PCK1: variants seen among roughly 807,000 people sequenced by gnomAD.
PCK1 encodes the protein phosphoenolpyruvate carboxykinase 1.
Under a neutral mutation model 50.3 loss-of-function variants are expected in PCK1, and 44 were observed. The ratio of observed to expected loss-of-function variants is 0.87; its 90% confidence interval spans 0.69 to 1.12. The LOEUF is 1.12. Among genes scored for constraint, PCK1 ranks in the 50% most tolerant of loss-of-function variants. PCK1 has a pLI of 0.00. For missense variants in PCK1, 790 were observed against 815.0 expected, an observed-to-expected ratio of 0.97 and a Z score of 0.37; for synonymous variants, 332 against 314.3, an observed-to-expected ratio of 1.06 and a Z score of -0.59.
Position 57,564,313 on chromosome 20 carries a change from A to C in PCK1, c.1106A>C (p.Tyr369Ser). The change falls in exon 7 of 10, where the codon TAC (tyrosine) becomes TCC (serine). Residue 369 changes from tyrosine (Y) to serine (S), a missense_variant. By Grantham distance (144) the Tyr-to-Ser change is moderately radical. Coordinates refer to ENST00000319441, the MANE Select transcript of PCK1 (RefSeq NM_002591.4). ...GCCGAGACCAGCGACGGGGGCGTTT[A>C]CTGGGAAGGCATTGATGAGCCGCTA... ...NVAETSDGGVYWEGIDEPLAS... is the reference protein window; with the variant it reads ...NVAETSDGGVSWEGIDEPLAS... The C allele has an allele frequency of 6.2e-7, 1 of 1,614,126 alleles. No homozygotes were observed. The highest frequency in any genetic ancestry group is 8.5e-7 in the Non-Finnish European group (1 of 1,180,000).
Position 57,565,643 on chromosome 20 carries a change from G to C in PCK1, c.1708G>C (p.Gly570Arg), listed in dbSNP as rs749433706. The change falls in exon 10 of 10, where the codon GGG (glycine) becomes CGG (arginine). Residue 570 changes from glycine to arginine, a missense_variant. By Grantham distance (125) the Gly-to-Arg change is moderately radical (BLOSUM62 -2). Transcript: ENST00000319441. ...KEDALNLKGL[G>R]HINMMELFSI... ...GGATGCCCTGAACCTGAAAGGCCTG[G>C]GGCACATCAACATGATGGAGCTTTT... The C allele has an allele frequency of 1.9e-6, 3 of 1,614,116 alleles. No homozygotes were observed. The highest frequency in any genetic ancestry group is 2.2e-5 in the South Asian group (2 of 91,070).
In PCK1 at chr20:57,565,704, A is replaced by T; in HGVS notation, c.1769A>T (p.Glu590Val). 1 of 1,613,840 alleles carries T rather than the reference A, an allele frequency of 6.2e-7. No individual in the cohort carries two copies. Among genetic ancestry groups the T allele is most frequent in the Non-Finnish European group, 8.5e-7 (1 of 1,180,002 alleles). ...AAGGAATTCTGGGAGAAGGAGGTGG[A>T]AGACATCGAGAAGTATCTGGAGGAT... ...ISKEFWEKEV[E>V]DIEKYLEDQV... The change falls in exon 10 of 10, where the codon GAA becomes GTA. Residue 590 changes from glutamate (E) to valine (V), a missense_variant. By Grantham distance (121) the Glu-to-Val change is moderately radical. Transcript: ENST00000319441.
At position 57,565,598 on chromosome 20, in the gene PCK1, A is replaced by G; in HGVS notation, c.1663A>G (p.Ile555Val). Residue 555 changes from isoleucine (I) to valine (V), a missense_variant, in exon 10 of 10, where the codon ATA (isoleucine) becomes GTA (valine). Ile to Val is a conservative substitution (Grantham distance 29, BLOSUM62 3). Coordinates refer to ENST00000319441, the MANE Select transcript of PCK1 (RefSeq NM_002591.4). ...AAAAGCCAGCACCAAGCTCACGCCC[A>G]TAGGCTACATCCCCAAGGAGGATGC... ...DGKASTKLTP[I>V]GYIPKEDALN... 1 of 1,614,190 alleles carries G rather than the reference A, an allele frequency of 6.2e-7. No homozygotes were observed. The highest frequency in any genetic ancestry group is 8.5e-7 in the Non-Finnish European group (1 of 1,180,032).
intron 3 of PCK1, 39 bp downstream of exon 3, chr20:57,562,291 G>C: frequency 6.5e-7 from 1 of 1,549,284 alleles, no homozygotes. Context: ...AAACAGCAGA[G>C]AGCCTTTTCT....
rs1043921560 is a variant in PCK1 at position 57,567,813 on chromosome 20, G to A, written c.*2009G>A. ...GGCTTTCAGTAGTCTCCACTCCCTC[G>A]GCAGGCAAAGACACTGGCCATCTCC... is the stretch of plus-strand genomic sequence containing the variant. On this transcript the variant is annotated 3_prime_UTR_variant, in exon 10 of 10. Transcript: ENST00000319441. The A allele has an allele frequency of 6.6e-6, 1 of 152,268 alleles. No homozygotes were observed. The highest frequency in any genetic ancestry group is 1.5e-5 in the Non-Finnish European group (1 of 68,124). 9.4% of individuals were successfully genotyped at this position (152,268 alleles called of 1,614,324 possible).
In PCK1 at chr20:57,564,519, C is replaced by G; in HGVS notation, c.1224C>G (p.Thr408=). The G allele has an allele frequency of 6.2e-7, 1 of 1,614,142 alleles. No homozygotes were observed. Among genetic ancestry groups the G allele is most frequent in the South Asian group, 1.1e-5 (1 of 91,086 alleles). Residue 408 remains threonine (T), a synonymous_variant, in exon 8 of 10, where the codon ACC becomes ACG. Coordinates refer to ENST00000319441, the MANE Select transcript of PCK1 (RefSeq NM_002591.4). Reference sequence around the variant, plus strand: ...CCCACCCCAACTCGAGGTTCTGCACCCCTGCCAGCCAGTGCCCCATCATTG... The same window carrying G: ...CCCACCCCAACTCGAGGTTCTGCACGCCTGCCAGCCAGTGCCCCATCATTG... ...PCAHPNSRFC[T]PASQCPIIDA...
At position 57,565,109 on chromosome 20, in the gene PCK1, A is replaced by G; in HGVS notation, c.1388A>G (p.Glu463Gly). Residue 463 changes from glutamate (E) to glycine (G), a missense_variant, in exon 9 of 10, where the codon GAG (glutamate) becomes GGG (glycine). Physicochemically the swap from Glu to Gly is moderately conservative, Grantham distance 98 (BLOSUM62 -2). Transcript: ENST00000319441. ...GVFVGAAMRS[E>G]ATAAAEHKGK... ...TTTGTGGGGGCGGCCATGAGATCAG[A>G]GGCCACAGCGGCTGCAGAACATAAA... 1 of 1,613,954 alleles carries G rather than the reference A, an allele frequency of 6.2e-7. No individual in the cohort carries two copies. The highest frequency in any genetic ancestry group is 8.5e-7 in the Non-Finnish European group (1 of 1,179,878).
At chr20:57,563,391 C>G in intron 5 of PCK1, 174 bp from the exon 6 acceptor site, 2 of 699,686 alleles carry the variant, frequency 2.9e-6, no homozygotes, top group Non-Finnish European at 4.7e-6. Context: ...TTGAAGGCCC[C>G]CAAACACCAG....
intron 5 of PCK1, 63 bp from the exon 6 acceptor site, chr20:57,563,502 C>A: frequency 8.3e-7 from 1 of 1,210,882 alleles, no homozygotes; most frequent in Non-Finnish European, 1.2e-6. Context: ...AACCTCTGGG[C>A]TGAAGTACCA....
rs979670918 is a variant in PCK1 at position 57,567,962 on chromosome 20, A to G, written c.*2158A>G. The G allele has an allele frequency of 2.6e-5, 4 of 152,218 alleles. No homozygotes were observed. The highest frequency in any genetic ancestry group is 9.7e-5 in the African/African-American group (4 of 41,442). The allele number at this position is 152,218 out of a possible 1,614,324, so 9.4% of individuals were successfully genotyped here. A position where few individuals can be genotyped will look rare whatever the true frequency, so the allele number is the denominator to read the frequency against. On this transcript the variant is annotated 3_prime_UTR_variant, in exon 10 of 10. Coordinates refer to ENST00000319441, the MANE Select transcript of PCK1 (RefSeq NM_002591.4). Reference sequence around the variant, plus strand: ...GGAGGTGACTTACATACACAGCATAAGAGTTTTCAGGAGACCAAAAAGATT... The same window carrying G: ...GGAGGTGACTTACATACACAGCATAGGAGTTTTCAGGAGACCAAAAAGATT...
In PCK1 at chr20:57,565,458, T is replaced by C; in HGVS notation, c.1523T>C (p.Leu508Pro). The stretch of plus-strand genomic sequence containing the variant: ...ATGGCCCAGCACCCAGCAGCCAAAC[T>C]GCCCAAGATCTTCCATGTCAACTGG... The part of the protein sequence containing the change: ...LSMAQHPAAK[L>P]PKIFHVNWFR... Residue 508 changes from leucine (L) to proline (P), a missense_variant, in exon 10 of 10, where the codon CTG (leucine) becomes CCG (proline). By Grantham distance (98) the Leu-to-Pro change is moderately conservative. Transcript: ENST00000319441. 1.2e-6 allele frequency: 2 copies of C among 1,614,212 alleles called. No homozygotes were observed. Among genetic ancestry groups the C allele is most frequent in the South Asian group, 1.1e-5 (1 of 91,088 alleles).
intron 3 of PCK1, 118 bp from the exon 4 acceptor site, chr20:57,562,578 C>A: frequency 1.3e-6 from 1 of 799,956 alleles, no homozygotes; most frequent in Non-Finnish European, 2.0e-6. Context: ...TGGTGACCAG[C>A]AGGGTGTGGT....
rs1189382908 is a variant in PCK1 at position 57,561,583 on chromosome 20, G to C, written c.172G>C (p.Gly58Arg). The C allele has an allele frequency of 6.2e-7, 1 of 1,613,868 alleles. No individual in the cohort carries two copies. The highest frequency in any genetic ancestry group is 1.7e-5 in the Admixed American group (1 of 60,032). Residue 58 changes from glycine to arginine, a missense_variant, in exon 2 of 10, where the codon GGC (glycine) becomes CGC (arginine). Gly to Arg is a moderately radical substitution (Grantham distance 125). Transcript: ENST00000319441. ...TGAGGAGGAGAATGGGCGGCTTCTG[G>C]GCCAGATGGAGGAAGAGGGCATCCT... is the stretch of plus-strand genomic sequence containing the variant. ...GSEEENGRLLGQMEEEGILRR... is the reference protein window; with the variant it reads ...GSEEENGRLLRQMEEEGILRR...
Position 57,564,507 on chromosome 20 carries a change from G to T in PCK1, c.1212G>T (p.Ser404=). The change falls in exon 8 of 10, where the codon TCG becomes TCT. Residue 404 remains serine, a synonymous_variant. Coordinates refer to ENST00000319441, the MANE Select transcript of PCK1 (RefSeq NM_002591.4). ...EDGEPCAHPN[S]RFCTPASQCP... The stretch of plus-strand genomic sequence containing the variant: ...GGGAACCTTGTGCCCACCCCAACTC[G>T]AGGTTCTGCACCCCTGCCAGCCAGT... The T allele has an allele frequency of 6.2e-7, 1 of 1,614,126 alleles. No individual in the cohort carries two copies. The highest frequency in any genetic ancestry group is 1.3e-5 in the African/African-American group (1 of 75,034).
intron 6 of PCK1, 30 bp downstream of exon 6, chr20:57,563,757 C>T (rs148165198): frequency 1.7e-4 from 268 of 1,559,622 alleles, no homozygotes; most frequent in Non-Finnish European, 2.3e-4. Context: ...CTCTTGGTAA[C>T]GATTGGACTC....
chr20:57,563,491 C>A, intron 5 of PCK1, 74 bp from the exon 6 acceptor site: 1 of 1,055,404 alleles, frequency 9.5e-7, no homozygotes, highest in Non-Finnish European at 1.4e-6. Context: ...GCCTACATTC[C>A]AACCTCTGGG....
intron 6 of PCK1, chr20:57,563,964 A>G: frequency 4.9e-6 from 3 of 613,802 alleles, no homozygotes; most frequent in Non-Finnish European, 8.6e-6. Flanking sequence ...TTTAAATGGT[A>G]TTGGTGGAAA....
In PCK1 at chr20:57,563,597, G is replaced by C. The variant is rs371044564; in HGVS notation, c.831G>C (p.Lys277Asn). 1.9e-6 allele frequency: 3 copies of C among 1,612,290 alleles called. No homozygotes were observed. Among genetic ancestry groups the C allele is most frequent in the African/African-American group, 1.3e-5 (1 of 74,838 alleles). ...ILGITNPEGE[K>N]KYLAAAFPSA... ...GTATAACCAACCCTGAGGGTGAGAA[G>C]AAGTACCTGGCGGCCGCATTTCCCA... is the stretch of plus-strand genomic sequence containing the variant. Residue 277 changes from lysine to asparagine, a missense_variant, in exon 6 of 10, where the codon AAG (lysine) becomes AAC (asparagine). Lys to Asn is a moderately conservative substitution (Grantham distance 94). Coordinates refer to ENST00000319441, the MANE Select transcript of PCK1 (RefSeq NM_002591.4).
At position 57,565,433 on chromosome 20, in the gene PCK1, A is replaced by G; in HGVS notation, c.1498A>G (p.Met500Val). The change falls in exon 10 of 10, where the codon ATG (methionine) becomes GTG (valine). Residue 500 changes from methionine to valine, a missense_variant. Met to Val is a conservative substitution (Grantham distance 21). Transcript: ENST00000319441. ...FGKYLAHWLSMAQHPAAKLPK... is the reference protein window; with the variant it reads ...FGKYLAHWLSVAQHPAAKLPK... ...CAAATACCTGGCCCACTGGCTTAGCATGGCCCAGCACCCAGCAGCCAAACT... is the reference window on the plus strand; with the variant it reads ...CAAATACCTGGCCCACTGGCTTAGCGTGGCCCAGCACCCAGCAGCCAAACT... 1 of 1,614,146 alleles carries G rather than the reference A, an allele frequency of 6.2e-7. No individual in the cohort carries two copies.
Sources: gnomAD v4.1 joint callset for allele counts on GRCh38, gnomAD v4.1.1 for gene constraint, MANE v1.5 for transcripts, NCBI Gene and HGNC (gene_info 2026-07-23, HGNC 2026-07-21) for gene names.